Variants in SCRG1 observed in about 807,000 individuals in gnomAD.
SCRG1 encodes the protein scrapie-responsive protein 1.
In SCRG1, 3 loss-of-function variants were observed where a neutral mutation model predicts 7.7. The ratio of observed to expected loss-of-function variants is 0.39; its 90% CI spans 0.18 to 1.01. SCRG1 has a LOEUF of 1.01. Among genes scored for constraint, SCRG1 ranks in the 50% least tolerant of loss-of-function variants. SCRG1 has a pLI of 0.36. For synonymous variants in SCRG1, 46 were observed against 41.2 expected (o/e 1.12, Z -0.44); for missense variants, 110 against 117.2 (o/e 0.94, Z 0.28).
chr4:173,495,939 T>G, the SCRG1 span, among the ~76,000 whole-genome samples: 1 of 151,948 alleles, frequency 6.6e-6, no homozygotes, highest in South Asian at 2.1e-4. Flanking sequence ...CCCAAAAGAG[T>G]AGATGCCCAG....
the SCRG1 span, among the ~76,000 whole-genome samples, chr4:173,505,849 G>A: frequency 6.6e-6 from 1 of 152,154 alleles, no homozygotes; most frequent in Non-Finnish European, 1.5e-5. This position sits in a 1 kb window ranked among gnomAD's most constrained non-coding sequence, Gnocchi z 4.4. Context: ...TTAACACGTG[G>A]GTTTCCAGAG....
chr4:173,473,235 G>A, the SCRG1 span, among the ~76,000 whole-genome samples: 1 of 152,226 alleles, frequency 6.6e-6, no homozygotes, highest in Non-Finnish European at 1.5e-5. Context: ...CCTGGTTTCT[G>A]CCAGCTAGGA....
At chr4:173,481,100 TA>T in the SCRG1 span, among the ~76,000 whole-genome samples, 1 of 152,194 alleles carries the variant, frequency 6.6e-6, no homozygotes, top group African/African-American at 2.4e-5. Context: ...TGATAATTTT[TA>T]AAAATTAAGC....
chr4:173,430,374 T>C, the SCRG1 span, among the ~76,000 whole-genome samples: 2 of 152,310 alleles, frequency 1.3e-5, no homozygotes, highest in East Asian at 3.9e-4. Context: ...ATAACAATAC[T>C]GGTGCCCCCT....
intron 1 of SCRG1, among the ~76,000 whole-genome samples, chr4:173,394,234 G>C (rs1739532014): frequency 6.6e-6 from 1 of 151,516 alleles, no homozygotes; most frequent in Non-Finnish European, 1.5e-5. Flanking sequence ...TTTGTTGGTT[G>C]TGTTTTTCTT....
At chr4:173,434,895 A>T in the SCRG1 span, among the ~76,000 whole-genome samples, 1 of 152,146 alleles carries the variant, frequency 6.6e-6, no homozygotes, top group South Asian at 2.1e-4. Flanking sequence ...ATTAGTGATC[A>T]TTAGGATCAT....
upstream of SCRG1, among the ~76,000 whole-genome samples, chr4:173,401,821 A>G (rs1739769393): frequency 6.6e-6 from 1 of 152,204 alleles, no homozygotes; most frequent in Non-Finnish European, 1.5e-5. Flanking sequence ...TGGACTTCCT[A>G]TCATTTCTAG....
At chr4:173,464,847 C>T in the SCRG1 span, among the ~76,000 whole-genome samples, 28 of 152,154 alleles carry the variant, frequency 1.8e-4, no homozygotes, top group African/African-American at 6.8e-4. Flanking sequence ...ACCCAAATGT[C>T]CATCATGGAT....
chr4:173,431,567 GT>G, the SCRG1 span, among the ~76,000 whole-genome samples: 1 of 152,238 alleles, frequency 6.6e-6, no homozygotes, highest in Non-Finnish European at 1.5e-5. Context: ...TGCTTTGCCT[GT>G]AAAGTGAAGC....
At chr4:173,512,405 G>A in the SCRG1 span, among the ~76,000 whole-genome samples, 1 of 152,222 alleles carries the variant, frequency 6.6e-6, no homozygotes, top group Non-Finnish European at 1.5e-5. Context: ...CAGGAGTGGG[G>A]AGAAGCCCAA....
At position 173,385,233 on chromosome 4, in the gene SCRG1, C is replaced by T. The variant is rs796597230; in HGVS notation, c.*3108G>A. On this transcript the variant is annotated 3_prime_UTR_variant, in exon 3 of 3. Coordinates refer to ENST00000296506, the MANE Select transcript of SCRG1 (RefSeq NM_007281.4). The stretch of plus-strand genomic sequence containing the variant: ...CCTGTAATCCTAACACTTTGGGAGG[C>T]CAAGGCAGGCAGATCATTTGAGGCC... 6.6e-5 allele frequency: 10 copies of T among 152,200 alleles called. No individual in the cohort carries two copies. Among genetic ancestry groups the T allele is most frequent in the African/African-American group, 2.4e-4 (10 of 41,530 alleles). The allele number at this position is 152,200 out of a possible 1,614,324, so 9.4% of individuals were successfully genotyped here.
chr4:173,468,074 A>C, the SCRG1 span: 1 of 152,770 alleles, frequency 6.5e-6, no homozygotes, highest in South Asian at 2.1e-4. Flanking sequence ...TGTTCACTAT[A>C]TACGAAGCAT....
At chr4:173,436,797 C>A in the SCRG1 span, among the ~76,000 whole-genome samples, 1 of 152,130 alleles carries the variant, frequency 6.6e-6, no homozygotes, top group African/African-American at 2.4e-5. Context: ...GAACCACCAA[C>A]TTCGCAGGCT....
At chr4:173,446,711 C>A in the SCRG1 span, 1 of 152,186 alleles carries the variant, frequency 6.6e-6, no homozygotes, top group East Asian at 1.9e-4. Context: ...GCACAGTGTA[C>A]ATGTTTTTAA....
chr4:173,437,237 A>G, the SCRG1 span, among the ~76,000 whole-genome samples: 1 of 152,174 alleles, frequency 6.6e-6, no homozygotes, highest in South Asian at 2.1e-4. Context: ...ACTATGTAAG[A>G]CACTCAAAAC....
At chr4:173,447,088 AG>A in the SCRG1 span, among the ~76,000 whole-genome samples, 1 of 152,222 alleles carries the variant, frequency 6.6e-6, no homozygotes, top group African/African-American at 2.4e-5. Flanking sequence ...AAATTGCCAT[AG>A]GTCAGGTGGC....
chr4:173,513,102 A>G, the SCRG1 span, among the ~76,000 whole-genome samples: 11 of 152,374 alleles, frequency 7.2e-5, no homozygotes, highest in African/African-American at 2.6e-4. Context: ...TATTACTTAT[A>G]TGATGCAAAC....
the SCRG1 span, among the ~76,000 whole-genome samples, chr4:173,421,945 A>G: frequency 2.0e-5 from 3 of 152,320 alleles, no homozygotes; most frequent in South Asian, 6.2e-4. Flanking sequence ...TGGCTGTCAG[A>G]CACATAATAT....
At chr4:173,511,160 G>T in the SCRG1 span, among the ~76,000 whole-genome samples, 1 of 152,040 alleles carries the variant, frequency 6.6e-6, no homozygotes, top group Non-Finnish European at 1.5e-5. This position sits in a 1 kb window ranked among gnomAD's most constrained non-coding sequence, Gnocchi z 5.2. Context: ...TAGAGACGGG[G>T]TGGGGGGGTG....
Sources: allele counts gnomAD v4.1 joint callset (sites outside exome capture counted in the v4.1 genomes callset), GRCh38; gene constraint gnomAD v4.1.1; non-coding constraint Gnocchi (gnomAD v3.1); transcripts MANE v1.5; gene names NCBI Gene and HGNC (gene_info 2026-07-23, HGNC 2026-07-21).